CMTM4: variants seen among roughly 807,000 people sequenced by gnomAD.
CMTM4 encodes the protein CKLF-like MARVEL transmembrane domain-containing protein 4.
In CMTM4, 8 loss-of-function variants were observed where a neutral mutation model predicts 19.0. The observed-to-expected ratio is 0.42, with a 90% CI of 0.25 to 0.76. The LOEUF is 0.76. Among genes scored for constraint, CMTM4 ranks in the 30% least tolerant of loss-of-function variants. CMTM4 has a pLI of 0.27. For synonymous variants in CMTM4, 106 were observed against 121.1 expected, an observed-to-expected ratio of 0.88 and a Z score of 0.82; for missense variants, 228 against 290.2, an observed-to-expected ratio of 0.79 and a Z score of 1.56.
Position 66,620,284 on chromosome 16 carries a change from G to A in CMTM4, c.*1774C>T. 1.0e-6 allele frequency: 1 copy of A among 985,362 alleles called. No individual in the cohort carries two copies. The highest frequency in any genetic ancestry group is 1.2e-6 in the Non-Finnish European group (1 of 829,926). The allele number at this position is 985,362 out of a possible 1,614,324, so 61.0% of individuals were successfully genotyped here. A position where few individuals can be genotyped will look rare whatever the true frequency, so the allele number is the denominator to read the frequency against. Reference sequence around the variant, plus strand: ...CAAACACACTCAACAGACCTGACAGGCAGCACACCCAGCTGTGAGCTGGCC... The same window carrying A: ...CAAACACACTCAACAGACCTGACAGACAGCACACCCAGCTGTGAGCTGGCC... On this transcript the variant is annotated 3_prime_UTR_variant, in exon 4 of 4. Transcript: ENST00000394106.
intron 1 of CMTM4, among the ~76,000 whole-genome samples, chr16:66,661,404 G>A (rs2016496581): frequency 6.6e-6 from 1 of 152,194 alleles, no homozygotes. Flanking sequence ...TCACACTGAG[G>A]CTAAACGCTT....
At chr16:66,653,071 A>C (rs1470390244) in intron 1 of CMTM4, among the ~76,000 whole-genome samples, 1 of 152,166 alleles carries the variant, frequency 6.6e-6, no homozygotes, top group Non-Finnish European at 1.5e-5. Context: ...CTAGCTTCAT[A>C]GATGAAGCTG....
At chr16:66,694,354 C>T (rs189790698) in intron 1 of CMTM4, among the ~76,000 whole-genome samples, 1 of 152,294 alleles carries the variant, frequency 6.6e-6, no homozygotes, top group East Asian at 1.9e-4. Context: ...TTATTCATTT[C>T]TAATTATCTG....
chr16:66,688,621 CACTAGCCCTTTGCCTGGCTAATAT>C, intron 1 of CMTM4, among the ~76,000 whole-genome samples: 1 of 152,272 alleles, frequency 6.6e-6, no homozygotes, highest in East Asian at 1.9e-4. Context: ...CATAAACCAT[CACTAGCCCTTTGCCTGGCTAATAT>C]AAAGTTTAGA....
chr16:66,667,717 G>A (rs1596948183), intron 1 of CMTM4, among the ~76,000 whole-genome samples: 2 of 152,204 alleles, frequency 1.3e-5, no homozygotes, highest in East Asian at 1.9e-4. Context: ...GTGAAACCCC[G>A]TCTCTACTAA....
downstream of CMTM4, chr16:66,613,256 A>G: frequency 1.5e-6 from 1 of 646,932 alleles, no homozygotes; most frequent in Non-Finnish European, 2.8e-6. Context: ...ACCCTTGGAA[A>G]CCATGTCTTC....
Position 66,623,432 on chromosome 16 carries a change from T to C in CMTM4, c.434A>G (p.His145Arg), listed in dbSNP as rs887041831. The C allele has an allele frequency of 3.1e-6, 5 of 1,613,780 alleles. No individual in the cohort carries two copies. Among genetic ancestry groups the C allele is most frequent in the Non-Finnish European group, 4.2e-6 (5 of 1,179,944 alleles). ...IASIVLAALN[H>R]RAGAEIAAVI... ...GGCAGCAATTTCTGCTCCGGCTCTATGGTTTAAAGCAGCCAGTACGATTGA... is the reference window on the plus strand; with the variant it reads ...GGCAGCAATTTCTGCTCCGGCTCTACGGTTTAAAGCAGCCAGTACGATTGA... Residue 145 changes from histidine to arginine, a missense_variant, in exon 3 of 4, where the codon CAT becomes CGT. Coordinates refer to ENST00000394106, the MANE Select transcript of CMTM4 (RefSeq NM_181521.3).
chr16:66,653,117 A>T (rs914476825), intron 1 of CMTM4, among the ~76,000 whole-genome samples: 1 of 152,136 alleles, frequency 6.6e-6, no homozygotes, highest in Non-Finnish European at 1.5e-5. Flanking sequence ...CCCAGAATAC[A>T]AAAGCAAAAC....
chr16:66,683,180 T>TATATACATGTATATATATAC (rs1491498902), intron 1 of CMTM4, among the ~76,000 whole-genome samples: 1 of 85,672 alleles, frequency 1.2e-5, no homozygotes, highest in East Asian at 4.0e-4. Flanking sequence ...TATATACATA[T>TATATACATGTATATATATAC]GTATATATAT....
Position 66,615,037 on chromosome 16 carries a change from G to A in CMTM4, c.*7021C>T, listed in dbSNP as rs532241114. 1.3e-5 allele frequency: 2 copies of A among 152,366 alleles called. No individual in the cohort carries two copies. 9.4% of individuals were successfully genotyped at this position (152,366 alleles called of 1,614,324 possible). On this transcript the variant is annotated 3_prime_UTR_variant, in exon 4 of 4. Coordinates refer to ENST00000394106, the MANE Select transcript of CMTM4 (RefSeq NM_181521.3). The surrounding 1 kb of genome is among the most constrained non-coding windows in gnomAD (Gnocchi z 4.9). ...AGACTTGAACCCAAAAGCCAGGCCA[G>A]CCAGGGGACGCCCACCCAGGGCTTC... is the stretch of plus-strand genomic sequence containing the variant.
chr16:66,644,389 C>T (rs983774863), intron 1 of CMTM4, among the ~76,000 whole-genome samples: 2 of 152,164 alleles, frequency 1.3e-5, no homozygotes, highest in African/African-American at 4.8e-5. Flanking sequence ...TATACTTTTT[C>T]AGAATTACTG....
At chr16:66,612,850 C>T, downstream of CMTM4, 1 of 610,984 alleles carries the variant, frequency 1.6e-6, no homozygotes, top group Non-Finnish European at 2.9e-6. This position sits in a 1 kb window ranked among gnomAD's most constrained non-coding sequence, Gnocchi z 6.0. Flanking sequence ...CGTATGAGGG[C>T]ATCTTGGGTA....
chr16:66,613,471 C>T (rs2015460012), downstream of CMTM4: 1 of 279,308 alleles, frequency 3.6e-6, no homozygotes, highest in East Asian at 6.6e-5. Flanking sequence ...AACTTCCAGA[C>T]CTCAGGGCAG....
the CMTM4 span, chr16:66,608,184 G>A: frequency 7.1e-6 from 7 of 987,686 alleles, no homozygotes; most frequent in Non-Finnish European, 7.7e-6. This position sits in a 1 kb window ranked among gnomAD's most constrained non-coding sequence, Gnocchi z 5.1. Flanking sequence ...CCAGCTGCGG[G>A]ACTGTGAGCA....
At chr16:66,605,478 C>T in the CMTM4 span, 50 of 152,792 alleles carry the variant, frequency 3.3e-4, no homozygotes, top group South Asian at 0.01. The surrounding 1 kb of genome is among the most constrained non-coding windows in gnomAD (Gnocchi z 4.6). Flanking sequence ...CGCGGCCGGG[C>T]TCCTTCCTAC....
intron 1 of CMTM4, among the ~76,000 whole-genome samples, chr16:66,681,341 G>A (rs1329943102): frequency 6.7e-6 from 1 of 150,044 alleles, no homozygotes; most frequent in African/African-American, 2.5e-5. Context: ...TTTTGAGACC[G>A]AGTCTTGCTC....
the CMTM4 span, among the ~76,000 whole-genome samples, chr16:66,603,105 C>A: frequency 2.1e-4 from 32 of 152,182 alleles, no homozygotes; most frequent in African/African-American, 7.7e-4. Context: ...GAGGGTCTTG[C>A]AGAGTCTTTG....
chr16:66,676,106 A>G (rs2016805864), intron 1 of CMTM4, among the ~76,000 whole-genome samples: 1 of 152,180 alleles, frequency 6.6e-6, no homozygotes, highest in African/African-American at 2.4e-5. Flanking sequence ...CTTTACTATC[A>G]TAGACAGTAA....
the CMTM4 span, chr16:66,608,477 G>A: frequency 5.6e-6 from 9 of 1,612,934 alleles, no homozygotes; most frequent in Non-Finnish European, 6.8e-6. The surrounding 1 kb of genome is among the most constrained non-coding windows in gnomAD (Gnocchi z 5.1). Context: ...GAGGACAGGG[G>A]CCCCAGGAGG....
Sources: gnomAD v4.1 joint callset for allele counts (sites outside exome capture counted in the v4.1 genomes callset) on GRCh38, gnomAD v4.1.1 for gene constraint, Gnocchi (gnomAD v3.1) non-coding constraint, MANE v1.5 for transcripts, NCBI Gene and HGNC (gene_info 2026-07-23, HGNC 2026-07-21) for gene names.